The following NMBR variants were observed in gnomAD, a reference collection of about 807,000 sequenced individuals.
NMBR encodes the protein neuromedin B receptor.
In NMBR, 16 loss-of-function variants were observed where a neutral mutation model predicts 20.5. The observed-to-expected ratio is 0.78, with a 90% CI of 0.53 to 1.19. The LOEUF is 1.19. Ranked by LOEUF, NMBR falls within the 50% of genes most tolerant of loss-of-function variation. The pLI is 0.00. For synonymous variants in NMBR, 212 were observed against 196.6 expected (o/e 1.08, Z -0.65); for missense variants, 582 against 499.1 (o/e 1.17, Z -1.58).
At chr6:142,094,418 C>T (rs1777402956) in intron 1 of NMBR, among the ~76,000 whole-genome samples, 2 of 152,118 alleles carry the variant, frequency 1.3e-5, no homozygotes, top group South Asian at 2.1e-4. Context: ...ATCCTTTCCC[C>T]ATTTCTTGTT....
At chr6:142,084,934 T>G (rs2114562222) in intron 2 of NMBR, among the ~76,000 whole-genome samples, 1 of 152,302 alleles carries the variant, frequency 6.6e-6, no homozygotes, top group African/African-American at 2.4e-5. Flanking sequence ...TGTATAAAAG[T>G]GTTAGAAACA....
intron 1 of NMBR, among the ~76,000 whole-genome samples, chr6:142,122,623 A>T (rs1777963599): frequency 1.3e-5 from 2 of 151,828 alleles, no homozygotes; most frequent in Non-Finnish European, 2.9e-5. Context: ...GACAGGCCTG[A>T]CTCTTGTTAG....
chr6:142,137,707 G>A (rs935382771), intron 1 of NMBR, among the ~76,000 whole-genome samples: 13 of 152,060 alleles, frequency 8.5e-5, no homozygotes, highest in Admixed American at 2.0e-4. Context: ...AGCATGAAGC[G>A]TTGTTGAATT....
intron 1 of NMBR, among the ~76,000 whole-genome samples, chr6:142,117,201 C>A (rs1777870798): frequency 1.3e-5 from 2 of 151,888 alleles, no homozygotes; most frequent in Admixed American, 1.3e-4. Flanking sequence ...GAAATCACTT[C>A]TTTTGGAACT....
chr6:142,080,004 A>C (rs914301473), intron 2 of NMBR, among the ~76,000 whole-genome samples: 1 of 152,200 alleles, frequency 6.6e-6, no homozygotes, highest in Non-Finnish European at 1.5e-5. Context: ...TTCTCTTTAA[A>C]GTATTTCAGG....
chr6:142,100,896 C>T (rs1193622875), intron 1 of NMBR, among the ~76,000 whole-genome samples: 1 of 152,152 alleles, frequency 6.6e-6, no homozygotes, highest in African/African-American at 2.4e-5. Flanking sequence ...TAATAAAATA[C>T]TATAAATTGG....
In NMBR at chr6:142,076,017, C is replaced by T; in HGVS notation, c.804G>A (p.Val268=). 2.5e-6 allele frequency: 4 copies of T among 1,600,882 alleles called. No individual in the cohort carries two copies. Among genetic ancestry groups the T allele is most frequent in the Non-Finnish European group, 3.4e-6 (4 of 1,174,656 alleles). ...METRKRLAKI[V]LVFVGCFIFC... ...AGATGAAACAGCCCACAAAGACAAG[C>T]ACAATTTTAGCCAGGCGTTTCCGTG... is the stretch of plus-strand genomic sequence containing the variant. Residue 268 remains valine, a synonymous_variant, in exon 4 of 4, where the codon GTG becomes GTA. Transcript: ENST00000258042.
chr6:142,084,716 A>T (rs1389663061), intron 2 of NMBR, among the ~76,000 whole-genome samples: 6 of 152,216 alleles, frequency 3.9e-5, no homozygotes, highest in Non-Finnish European at 7.3e-5. Flanking sequence ...ATGTGCCATC[A>T]GAGGCCAAAA....
At chr6:142,099,368 GA>G (rs1398812165) in intron 1 of NMBR, among the ~76,000 whole-genome samples, 2 of 152,138 alleles carry the variant, frequency 1.3e-5, no homozygotes, top group African/African-American at 4.8e-5. Context: ...GAGGCCTCAG[GA>G]AACTTACAAT....
intron 2 of NMBR, among the ~76,000 whole-genome samples, chr6:142,081,738 T>C (rs1030444861): frequency 3.3e-5 from 5 of 152,338 alleles, no homozygotes; most frequent in Middle Eastern, 3.4e-3. Context: ...TTCCTTCAAA[T>C]ATTTATAGAC....
At chr6:142,104,582 A>G (rs1210450545) in intron 1 of NMBR, among the ~76,000 whole-genome samples, 1 of 152,214 alleles carries the variant, frequency 6.6e-6, no homozygotes, top group Non-Finnish European at 1.5e-5. Flanking sequence ...CCATAAAATA[A>G]TAGTCATTCA....
Position 142,145,020 on chromosome 6 carries a change from TA to T in NMBR, c.-664+2023del, listed in dbSNP as rs34522158. Among the ~76,000 whole-genome samples, 224 of 97,602 alleles carry T rather than the reference TA, an allele frequency of 2.3e-3. 1 individual carries two copies. Among genetic ancestry groups the T allele is most frequent in the African/African-American group, 7.8e-3 (186 of 23,876 alleles). The allele number at this position is 97,602 out of a possible 152,430, so 64.0% of individuals were successfully genotyped here. A position where few individuals can be genotyped will look rare whatever the true frequency, so the allele number is the denominator to read the frequency against. ...TTAGGTGACAGAGTGAGAACCTGTC[TA>T]AAAAAAAAAAAAAAAAAAGAAAGAA... On this transcript the variant is annotated intron_variant, in intron 1 of 3. Transcript: ENST00000258042.
intron 1 of NMBR, among the ~76,000 whole-genome samples, chr6:142,101,670 G>C (rs1777567696): frequency 6.6e-6 from 1 of 152,066 alleles, no homozygotes; most frequent in Non-Finnish European, 1.5e-5. Flanking sequence ...GTTTAAAATG[G>C]TCTGTTGGGG....
At chr6:142,135,595 T>C (rs949909665) in intron 1 of NMBR, among the ~76,000 whole-genome samples, 1 of 151,044 alleles carries the variant, frequency 6.6e-6, no homozygotes, top group South Asian at 2.1e-4. Context: ...GCTGCACCCA[T>C]TAACTCGTCA....
chr6:142,131,165 C>T (rs747626103), intron 1 of NMBR, among the ~76,000 whole-genome samples: 78 of 152,252 alleles, frequency 5.1e-4, no homozygotes, highest in East Asian at 3.9e-4. Context: ...ATGCAAATCA[C>T]AAAATCCTGG....
At chr6:142,117,355 C>G (rs1777873426) in intron 1 of NMBR, among the ~76,000 whole-genome samples, 1 of 151,824 alleles carries the variant, frequency 6.6e-6, no homozygotes, top group South Asian at 2.1e-4. Flanking sequence ...ACCCCTAGAT[C>G]TATATTAATA....
At chr6:142,093,288 G>A (rs1426993229) in intron 1 of NMBR, among the ~76,000 whole-genome samples, 4 of 142,124 alleles carry the variant, frequency 2.8e-5, no homozygotes, top group African/African-American at 1.1e-4. Flanking sequence ...ATCTCCTAAT[G>A]CTATCCCTCC....
intron 1 of NMBR, among the ~76,000 whole-genome samples, chr6:142,142,164 CTT>C (rs1778371973): frequency 6.6e-6 from 1 of 152,096 alleles, no homozygotes; most frequent in Non-Finnish European, 1.5e-5. Context: ...AAAAATATGA[CTT>C]ATCCATATAT....
chr6:142,076,992 G>T (rs1004244288), intron 3 of NMBR, among the ~76,000 whole-genome samples: 1 of 152,186 alleles, frequency 6.6e-6, no homozygotes, highest in South Asian at 2.1e-4. Flanking sequence ...GCGAAGAAAG[G>T]TAAAACTGAA....
Sources: gnomAD v4.1 joint callset for allele counts (sites outside exome capture counted in the v4.1 genomes callset) on GRCh38, gnomAD v4.1.1 for gene constraint, MANE v1.5 for transcripts, NCBI Gene and HGNC (gene_info 2026-07-23, HGNC 2026-07-21) for gene names.